Variants in DEDD2 observed in about 807,000 individuals in gnomAD.
DEDD2 encodes the protein DNA-binding death effector domain-containing protein 2.
In DEDD2, 18 loss-of-function variants were observed where a neutral mutation model predicts 28.9. That is an observed-to-expected ratio of 0.62 (90% CI 0.43 to 0.92). The LOEUF (loss-of-function observed/expected upper bound fraction) is 0.92, where lower values mean the gene tolerates loss of function less well. DEDD2 is among the 40% of genes least tolerant of loss of function. The pLI is 0.00. For synonymous variants in DEDD2, 211 were observed against 206.1 expected, an observed-to-expected ratio of 1.02 and a Z score of -0.20; for missense variants, 411 against 463.3, an observed-to-expected ratio of 0.89 and a Z score of 1.04.
rs565080745 is a variant in DEDD2 at position 42,202,909 on chromosome 19, C to T, written c.590-3080G>A. Among the ~76,000 whole-genome samples the T allele has an allele frequency of 2.6e-4, 39 of 152,338 alleles. No individual in the cohort carries two copies. The South Asian group carries it at 7.5e-3, about 29-fold the overall frequency. On this transcript the variant is annotated intron_variant, in intron 4 of 4. Coordinates refer to ENST00000596251, the MANE Select transcript of DEDD2 (RefSeq NM_133328.4). ...GAGCCTCTGCTCCACCCTTAGCACC[C>T]AATCACGTGCTTTACCCCTCCCCAA...
intron 4 of DEDD2, among the ~76,000 whole-genome samples, chr19:42,202,316 C>T (rs1197539758): frequency 6.6e-6 from 1 of 152,110 alleles, no homozygotes; most frequent in Admixed American, 6.5e-5. Context: ...CCCCCCATAC[C>T]CTGCACTCCA....
At chr19:42,217,995 C>T (rs144558351), upstream of DEDD2, among the ~76,000 whole-genome samples, 1 of 152,330 alleles carries the variant, frequency 6.6e-6, no homozygotes, top group East Asian at 1.9e-4. Context: ...GTTGTAACTA[C>T]TCATCTCATA....
chr19:42,211,577 T>C (rs976411324), intron 3 of DEDD2, among the ~76,000 whole-genome samples: 10 of 152,198 alleles, frequency 6.6e-5, no homozygotes, highest in African/African-American at 2.2e-4. Context: ...CTCAATGGGA[T>C]ATGCTCAGAG....
In DEDD2 at chr19:42,216,969, C is replaced by A; in HGVS notation, c.39G>T (p.Glu13Asp). 1 of 1,600,732 alleles carries A rather than the reference C, an allele frequency of 6.2e-7. No homozygotes were observed. Among genetic ancestry groups the A allele is most frequent in the East Asian group, 2.3e-5 (1 of 43,858 alleles). The change falls in exon 2 of 5, where the codon GAG becomes GAT. Residue 13 changes from glutamate to aspartate, a missense_variant. Physicochemically the swap from Glu to Asp is conservative, Grantham distance 45. Coordinates refer to ENST00000596251, the MANE Select transcript of DEDD2 (RefSeq NM_133328.4). The stretch of plus-strand genomic sequence containing the variant: ...CGTAGTAGTCCAGGCACTCATCCTC[C>A]TCCCAGCACGGGGCCGGGGTCGACC... ...LSGSTPAPCW[E>D]EDECLDYYGM...
chr19:42,207,092 G>A (rs1490026294), intron 4 of DEDD2, among the ~76,000 whole-genome samples: 1 of 152,120 alleles, frequency 6.6e-6, no homozygotes, highest in Non-Finnish European at 1.5e-5. Context: ...CAGCCAGCCT[G>A]GTGGCTCTGG....
At chr19:42,207,911 ACT>A (rs1316298680) in intron 4 of DEDD2, among the ~76,000 whole-genome samples, 1 of 151,494 alleles carries the variant, frequency 6.6e-6, no homozygotes, top group Non-Finnish European at 1.5e-5. Context: ...CGCATGAGTC[ACT>A]CTGCCAGAAT....
In DEDD2 at chr19:42,199,710, C is replaced by T; in HGVS notation, c.709G>A (p.Ala237Thr). 6.2e-7 allele frequency: 1 copy of T among 1,614,088 alleles called. No homozygotes were observed. The highest frequency in any genetic ancestry group is 2.2e-5 in the East Asian group (1 of 44,882). The change falls in exon 5 of 5, where the codon GCA becomes ACA. Residue 237 changes from alanine to threonine, a missense_variant. Ala to Thr is a moderately conservative substitution (Grantham distance 58). Around this residue, in one of 2 missense-constraint regions of DEDD2, gnomAD observed 129 missense variants for 189.9 expected, o/e 0.68. Transcript: ENST00000596251. The surrounding 1 kb of genome is among the most constrained non-coding windows in gnomAD (Gnocchi z 7.4). The part of the protein sequence containing the change: ...RQLDVFGQAT[A>T]VLRSRDLGSV... The stretch of plus-strand genomic sequence containing the variant: ...CCCAGGTCCCTTGAGCGCAGCACTG[C>T]GGTGGCCTGCCCAAACACGTCCAGC...
chr19:42,210,806 G>A (rs1599774306), intron 3 of DEDD2, among the ~76,000 whole-genome samples: 2 of 151,646 alleles, frequency 1.3e-5, no homozygotes, highest in Non-Finnish European at 1.5e-5. Flanking sequence ...TGTGGCTCCC[G>A]CCTACAATCC....
intron 1 of DEDD2, 132 bp from the exon 2 acceptor site, chr19:42,217,177 C>CAA: frequency 1.5e-6 from 1 of 673,748 alleles, no homozygotes; most frequent in Non-Finnish European, 2.5e-6. Flanking sequence ...CCTCGGCCTC[C>CAA]CCCTCCCCCG....
At chr19:42,215,878 A>C (rs1303998205) in intron 2 of DEDD2, among the ~76,000 whole-genome samples, 1 of 152,152 alleles carries the variant, frequency 6.6e-6, no homozygotes, top group Non-Finnish European at 1.5e-5. Context: ...AAGGGCATCA[A>C]CTCTGGGGAC....
chr19:42,201,829 A>T (rs955506852), intron 4 of DEDD2: 12 of 394,794 alleles, frequency 3.0e-5, no homozygotes, highest in Non-Finnish European at 4.9e-5. Flanking sequence ...TACCCAGACG[A>T]CCAGATCCTT....
upstream of DEDD2, among the ~76,000 whole-genome samples, chr19:42,219,249 AGCC>A (rs2036084788): frequency 4.0e-5 from 6 of 151,624 alleles, no homozygotes; most frequent in South Asian, 1.0e-3. Context: ...GGTTGCCGTG[AGCC>A]GAGATTGCGC....
At chr19:42,210,794 G>T (rs570954155) in intron 3 of DEDD2, among the ~76,000 whole-genome samples, 1 of 151,870 alleles carries the variant, frequency 6.6e-6, no homozygotes, top group Admixed American at 6.6e-5. Context: ...GGCCGCACAC[G>T]GTGTGGCTCC....
intron 3 of DEDD2, 26 bp from the exon 4 acceptor site, chr19:42,209,866 T>C: frequency 6.6e-7 from 1 of 1,504,106 alleles, no homozygotes; most frequent in Non-Finnish European, 8.9e-7. Flanking sequence ...TGGGGCAAGT[T>C]GAGGACCAGG....
upstream of DEDD2, among the ~76,000 whole-genome samples, chr19:42,219,021 A>G (rs181088308): frequency 2.8e-4 from 42 of 149,376 alleles, no homozygotes; most frequent in Admixed American, 2.5e-3. Flanking sequence ...GAAACAAACA[A>G]ACGCCAGGTG....
chr19:42,214,688 A>T lies in DEDD2; in HGVS notation c.448+445T>A, dbSNP rs369533172. 1.4e-4 allele frequency among the ~76,000 whole-genome samples: 21 copies of T among 152,280 alleles called. 2 individuals are homozygous for T. The highest frequency in any genetic ancestry group is 1.1e-3 in the Admixed American group (17 of 15,292). Reference sequence around the variant, plus strand: ...TGAGGTGGAAGGACAGCTTGAGCCCAGGAGTTCAAGGCCGCAGAGAGCTAT... The same window carrying T: ...TGAGGTGGAAGGACAGCTTGAGCCCTGGAGTTCAAGGCCGCAGAGAGCTAT... On this transcript the variant is annotated intron_variant, in intron 3 of 4. Transcript: ENST00000596251.
intron 3 of DEDD2, among the ~76,000 whole-genome samples, chr19:42,211,536 A>C (rs2035765758): frequency 6.6e-6 from 1 of 152,202 alleles, no homozygotes; most frequent in South Asian, 2.1e-4. Flanking sequence ...CAATTATTCA[A>C]GTAACTTGAA....
rs773779018 is a variant in DEDD2 at position 42,217,024 on chromosome 19, C to T, written c.-17G>A. 1.2e-5 allele frequency: 18 copies of T among 1,563,910 alleles called. No individual in the cohort carries two copies. The Admixed American group carries it at 3.4e-4, about 30-fold the overall frequency. On this transcript the variant is annotated 5_prime_UTR_variant, in exon 2 of 5. Coordinates refer to ENST00000596251, the MANE Select transcript of DEDD2 (RefSeq NM_133328.4). ...TAGCGCCATTCCCGGGGGAGGGAGGCGGAACAAGCTCAGAACCCGGCCTAG... is the reference window on the plus strand; with the variant it reads ...TAGCGCCATTCCCGGGGGAGGGAGGTGGAACAAGCTCAGAACCCGGCCTAG...
At chr19:42,205,214 GA>G (rs1349485115) in intron 4 of DEDD2, among the ~76,000 whole-genome samples, 1 of 152,218 alleles carries the variant, frequency 6.6e-6, no homozygotes, top group Admixed American at 6.5e-5. Flanking sequence ...GGCGGAGAAA[GA>G]GAGATGGTAG....
Sources: allele counts gnomAD v4.1 joint callset (sites outside exome capture counted in the v4.1 genomes callset), GRCh38; gene constraint gnomAD v4.1.1; regional missense constraint gnomAD v4.1.1; non-coding constraint Gnocchi (gnomAD v3.1); transcripts MANE v1.5; gene names NCBI Gene and HGNC (gene_info 2026-07-23, HGNC 2026-07-21).